Variants in ZNF70 observed in about 807,000 individuals in gnomAD.
ZNF70 encodes the protein zinc finger protein 70.
In ZNF70, 18 loss-of-function variants were observed where a neutral mutation model predicts 37.7. That is an observed-to-expected ratio of 0.48 (90% CI 0.33 to 0.71). The LOEUF is 0.71. Ranked by LOEUF, ZNF70 falls within the 30% of genes least tolerant of loss-of-function variation. The pLI is 0.02. For missense variants in ZNF70, 506 were observed against 568.6 expected, an observed-to-expected ratio of 0.89 and a Z score of 1.12; for synonymous variants, 219 against 220.1, an observed-to-expected ratio of 0.99 and a Z score of 0.05.
intron 1 of ZNF70, among the ~76,000 whole-genome samples, chr22:23,748,389 A>G (rs1925204020): frequency 6.6e-6 from 1 of 151,994 alleles, no homozygotes; most frequent in Non-Finnish European, 1.5e-5. Context: ...ACAGGGGCAT[A>G]TCAACACATC....
In ZNF70 at chr22:23,743,913, A is replaced by G; in HGVS notation, c.1228T>C (p.Tyr410His). The change falls in exon 2 of 2, where the codon TAT (tyrosine) becomes CAT (histidine). Residue 410 changes from tyrosine (Y) to histidine (H), a missense_variant. Tyr to His is a moderately conservative substitution (Grantham distance 83). Coordinates refer to ENST00000341976, the MANE Select transcript of ZNF70 (RefSeq NM_021916.4). Reference sequence around the variant, plus strand: ...GGCTTCTCTCTGGTGTGGGTTTTATAGTGCTCAATGAGGGCTGACCGGTGC... The same window carrying G: ...GGCTTCTCTCTGGTGTGGGTTTTATGGTGCTCAATGAGGGCTGACCGGTGC... ...FRHRSALIEH[Y>H]KTHTREKPYV... The G allele has an allele frequency of 6.2e-7, 1 of 1,612,996 alleles. No homozygotes were observed. The highest frequency in any genetic ancestry group is 1.1e-5 in the South Asian group (1 of 91,058).
Position 23,739,579 on chromosome 22 carries a change from C to A in ZNF70, c.*4221G>T, listed in dbSNP as rs1007497788. 2 of 152,122 alleles carry A rather than the reference C, an allele frequency of 1.3e-5. No homozygotes were observed. Among genetic ancestry groups the A allele is most frequent in the Non-Finnish European group, 2.9e-5 (2 of 68,146 alleles). 9.4% of individuals were successfully genotyped at this position (152,122 alleles called of 1,614,324 possible). A position where few individuals can be genotyped will look rare whatever the true frequency, so the allele number is the denominator to read the frequency against. ...GGGATTACAGGCTTGAGCCACCGCT[C>A]CCGGCTATTTTTTGTTTTTGTTGTT... is the stretch of plus-strand genomic sequence containing the variant. On this transcript the variant is annotated 3_prime_UTR_variant, in exon 2 of 2. Coordinates refer to ENST00000341976, the MANE Select transcript of ZNF70 (RefSeq NM_021916.4).
At chr22:23,749,953 C>CA (rs1276593390) in intron 1 of ZNF70, among the ~76,000 whole-genome samples, 3 of 152,188 alleles carry the variant, frequency 2.0e-5, no homozygotes, top group African/African-American at 7.2e-5. Context: ...CTTCAACTCT[C>CA]ACGCTCTAGC....
chr22:23,740,204 G>C lies in ZNF70; in HGVS notation c.*3596C>G, dbSNP rs568237903. 6.6e-6 allele frequency: 1 copy of C among 151,650 alleles called. No homozygotes were observed. Among genetic ancestry groups the C allele is most frequent in the Non-Finnish European group, 1.5e-5 (1 of 67,956 alleles). 9.4% of individuals were successfully genotyped at this position (151,650 alleles called of 1,614,324 possible). On this transcript the variant is annotated 3_prime_UTR_variant, in exon 2 of 2. Transcript: ENST00000341976. ...GGGTGCCTGTAGTCCCAGCTACTTGGGAGGCTGAGGCAGGAGAATGGTCTG... is the reference window on the plus strand; with the variant it reads ...GGGTGCCTGTAGTCCCAGCTACTTGCGAGGCTGAGGCAGGAGAATGGTCTG...
chr22:23,744,988 G>A lies in ZNF70; in HGVS notation c.153C>T (p.Ile51=), dbSNP rs1018732851. Residue 51 remains isoleucine, a synonymous_variant, in exon 2 of 2, where the codon ATC becomes ATT. Coordinates refer to ENST00000341976, the MANE Select transcript of ZNF70 (RefSeq NM_021916.4). The part of the protein sequence containing the change: ...LEQMAVIYKE[I]PLGEQDEEND... Reference sequence around the variant, plus strand: ...TTTCTTCGTCCTGCTCACCAAGAGGGATCTCCTTGTAGATCACAGCCATTT... The same window carrying A: ...TTTCTTCGTCCTGCTCACCAAGAGGAATCTCCTTGTAGATCACAGCCATTT... 3 of 1,613,998 alleles carry A rather than the reference G, an allele frequency of 1.9e-6. No homozygotes were observed. Among genetic ancestry groups the A allele is most frequent in the Admixed American group, 1.7e-5 (1 of 59,984 alleles).
At chr22:23,748,550 T>TC (rs1925210072) in intron 1 of ZNF70, among the ~76,000 whole-genome samples, 1 of 151,706 alleles carries the variant, frequency 6.6e-6, no homozygotes, top group Non-Finnish European at 1.5e-5. Flanking sequence ...GAAATGATTT[T>TC]TTTTTTTTTT....
At chr22:23,749,527 CA>C (rs61374101) in intron 1 of ZNF70, among the ~76,000 whole-genome samples, 985 of 23,942 alleles carry the variant, frequency 0.041, 5 homozygotes, top group African/African-American at 0.12. Flanking sequence ...GACTCCGTCT[CA>C]AAAAAAAAAA....
rs1191563813 is a variant in ZNF70, at chr22:23,741,704, A to T, written c.*2096T>A. 1 of 152,300 alleles carries T rather than the reference A, an allele frequency of 6.6e-6. No individual in the cohort carries two copies. Among genetic ancestry groups the T allele is most frequent in the African/African-American group, 2.4e-5 (1 of 41,472 alleles). 9.4% of individuals were successfully genotyped at this position (152,300 alleles called of 1,614,324 possible). ...GTTAGCCCAGCCATAAATGTTTAGG[A>T]AACTTCAAAACAGCCTAGACTGCCT... On this transcript the variant is annotated 3_prime_UTR_variant, in exon 2 of 2. Coordinates refer to ENST00000341976, the MANE Select transcript of ZNF70 (RefSeq NM_021916.4).
chr22:23,749,411 C>T (rs1327794327), intron 1 of ZNF70, among the ~76,000 whole-genome samples: 6 of 141,028 alleles, frequency 4.3e-5, no homozygotes, highest in Non-Finnish European at 6.0e-5. Flanking sequence ...GCCTGTAGTC[C>T]CAGCTACTTG....
Position 23,745,058 on chromosome 22 carries a change from C to T in ZNF70, c.83G>A (p.Gly28Glu). The change falls in exon 2 of 2, where the codon GGG (glycine) becomes GAG (glutamate). Residue 28 changes from glycine (G) to glutamate (E), a missense_variant. Transcript: ENST00000341976. The part of the protein sequence containing the change: ...RLESQQGLFP[G>E]EDLGDPFLQE... ...AAGAAAAGGGTCCCCCAGGTCCTCCCCTGGGAAAAGCCCTTGTTGTGACTC... is the reference window on the plus strand; with the variant it reads ...AAGAAAAGGGTCCCCCAGGTCCTCCTCTGGGAAAAGCCCTTGTTGTGACTC... 6.2e-7 allele frequency: 1 copy of T among 1,614,186 alleles called. No individual in the cohort carries two copies. The highest frequency in any genetic ancestry group is 8.5e-7 in the Non-Finnish European group (1 of 1,180,034).
At position 23,741,452 on chromosome 22, in the gene ZNF70, A is replaced by T. The variant is rs1420132976; in HGVS notation, c.*2348T>A. 6.6e-6 allele frequency: 1 copy of T among 152,226 alleles called. No individual in the cohort carries two copies. Among genetic ancestry groups the T allele is most frequent in the Non-Finnish European group, 1.5e-5 (1 of 68,066 alleles). The allele number at this position is 152,226 out of a possible 1,614,324, so 9.4% of individuals were successfully genotyped here. On this transcript the variant is annotated 3_prime_UTR_variant, in exon 2 of 2. Transcript: ENST00000341976. ...GACAATGGAGTGCTGGTTAAATGTT[A>T]AATGTTTCACATACGTAGCAAAGAC...
chr22:23,749,567 A>G (rs1925255933), intron 1 of ZNF70, among the ~76,000 whole-genome samples: 2 of 149,192 alleles, frequency 1.3e-5, no homozygotes, highest in South Asian at 2.1e-4. Context: ...AGCTGGGAAT[A>G]CAGGCTCTAC....
At position 23,745,536 on chromosome 22, in the gene ZNF70, G is replaced by A. The variant is rs574438381; in HGVS notation, c.-79-317C>T. On this transcript the variant is annotated intron_variant, in intron 1 of 1. Transcript: ENST00000341976. ...TATAATCCTAGCACTTTGGGAGGCC[G>A]AGGCAGGCAGATCACTTGAGGTCAG... Among the ~76,000 whole-genome samples, 3 of 152,184 alleles carry A rather than the reference G, an allele frequency of 2.0e-5. No homozygotes were observed. In the South Asian group the frequency reaches 6.2e-4, roughly 32 times the overall value.
chr22:23,745,343 G>A, intron 1 of ZNF70, 124 bp from the exon 2 acceptor site: 1 of 619,868 alleles, frequency 1.6e-6, no homozygotes, highest in Non-Finnish European at 2.8e-6. Flanking sequence ...TTGCCCTTAA[G>A]ATGATCCCAA....
At chr22:23,749,709 T>C (rs1044296298) in intron 1 of ZNF70, among the ~76,000 whole-genome samples, 3 of 152,066 alleles carry the variant, frequency 2.0e-5, no homozygotes, top group Non-Finnish European at 4.4e-5. Context: ...GCTGGTATTA[T>C]AGGCGTGAGC....
At position 23,745,136 on chromosome 22, in the gene ZNF70, T is replaced by C. The variant is rs775663995; in HGVS notation, c.5A>G (p.Glu2Gly). ...ACCAAACTTTGTTGCTGGGGGAACC[T>C]CCATTGTGAATCTGCTATCATCCCC... Reference protein sequence around the residue: MEVPPATKFGET... With the variant: MGVPPATKFGET... The change falls in exon 2 of 2, where the codon GAG becomes GGG. Residue 2 changes from glutamate (E) to glycine (G), a missense_variant. By Grantham distance (98) the Glu-to-Gly change is moderately conservative. Coordinates refer to ENST00000341976, the MANE Select transcript of ZNF70 (RefSeq NM_021916.4). The C allele has an allele frequency of 1.2e-6, 2 of 1,610,336 alleles. No individual in the cohort carries two copies. Among genetic ancestry groups the C allele is most frequent in the Non-Finnish European group, 1.7e-6 (2 of 1,177,302 alleles).
Position 23,743,590 on chromosome 22 carries a change from C to T in ZNF70, c.*210G>A. The T allele has an allele frequency of 1.7e-6, 1 of 605,108 alleles. No homozygotes were observed. The highest frequency in any genetic ancestry group is 3.2e-5 in the Admixed American group (1 of 31,302). The allele number at this position is 605,108 out of a possible 1,614,324, so 37.5% of individuals were successfully genotyped here. A position where few individuals can be genotyped will look rare whatever the true frequency, so the allele number is the denominator to read the frequency against. Reference sequence around the variant, plus strand: ...TCTGGCTGCCCTCCCTATCACCCCACCTTCCCTTCCATGCAGAAAACCTGC... The same window carrying T: ...TCTGGCTGCCCTCCCTATCACCCCATCTTCCCTTCCATGCAGAAAACCTGC... On this transcript the variant is annotated 3_prime_UTR_variant, in exon 2 of 2. Transcript: ENST00000341976.
chr22:23,744,456 A>G lies in ZNF70; in HGVS notation c.685T>C (p.Cys229Arg). The G allele has an allele frequency of 1.2e-6, 2 of 1,613,780 alleles. No homozygotes were observed. Among genetic ancestry groups the G allele is most frequent in the Non-Finnish European group, 1.7e-6 (2 of 1,179,974 alleles). Reference protein sequence around the residue: ...TGKRPYECRECGKDFSRSSSL... With the variant: ...TGKRPYECRERGKDFSRSSSL... The stretch of plus-strand genomic sequence containing the variant: ...GAGCTCCGGCTGAAATCTTTCCCGC[A>G]TTCCCTGCACTCGTAGGGCCTCTTT... The change falls in exon 2 of 2, where the codon TGC (cysteine) becomes CGC (arginine). Residue 229 changes from cysteine (C) to arginine (R), a missense_variant. Coordinates refer to ENST00000341976, the MANE Select transcript of ZNF70 (RefSeq NM_021916.4).
chr22:23,745,497 C>T (rs901666726), intron 1 of ZNF70, among the ~76,000 whole-genome samples: 3 of 151,842 alleles, frequency 2.0e-5, no homozygotes, highest in East Asian at 1.9e-4. Flanking sequence ...GGGCTGGGTG[C>T]GGTGGCTCAC....
Sources: allele counts gnomAD v4.1 joint callset (sites outside exome capture counted in the v4.1 genomes callset), GRCh38; gene constraint gnomAD v4.1.1; transcripts MANE v1.5; gene names NCBI Gene and HGNC (gene_info 2026-07-23, HGNC 2026-07-21).